The following KCTD20 variants were observed in gnomAD, a reference collection of about 807,000 sequenced individuals.
KCTD20 encodes the protein BTB/POZ domain-containing protein KCTD20.
KCTD20 carries 30 observed loss-of-function variants against 39.6 expected under a neutral mutation model. The ratio of observed to expected loss-of-function variants is 0.76; its 90% CI spans 0.57 to 1.03. The LOEUF (loss-of-function observed/expected upper bound fraction) is 1.03, where lower values mean the gene tolerates loss of function less well. Ranked by LOEUF, KCTD20 falls within the 50% of genes least tolerant of loss-of-function variation. The pLI is 0.00. For synonymous variants in KCTD20, 162 were observed against 180.6 expected (o/e 0.90, Z 0.83); for missense variants, 422 against 522.0 (o/e 0.81, Z 1.87).
In KCTD20 at chr6:36,474,987, C is replaced by T. The variant is rs146111204; in HGVS notation, c.359C>T (p.Thr120Met). 1.3e-3 allele frequency: 2,110 copies of T among 1,614,012 alleles called. 6 individuals are homozygous for T. The highest frequency in any genetic ancestry group is 2.8e-3 in the South Asian group (253 of 91,086). Residue 120 changes from threonine (T) to methionine (M), a missense_variant, in exon 3 of 8, where the codon ACG (threonine) becomes ATG (methionine). Thr to Met is a moderately conservative substitution (Grantham distance 81, BLOSUM62 -1). Transcript: ENST00000373731. ...NSHSQAPEKV[T>M]LLVDGTRFVV... ...CATTCCCAAGCACCAGAGAAAGTGA[C>T]GCTTCTTGTAGATGGCACACGTTTT...
intron 1 of KCTD20, among the ~76,000 whole-genome samples, chr6:36,462,320 G>A (rs58386654): frequency 7.9e-4 from 120 of 152,200 alleles, no homozygotes; most frequent in African/African-American, 2.7e-3. Flanking sequence ...TCGCTTTTGG[G>A]TTTTGGGTCT....
intron 1 of KCTD20, among the ~76,000 whole-genome samples, chr6:36,445,261 CAAAA>C (rs34039126): frequency 3.8e-5 from 3 of 79,764 alleles, no homozygotes; most frequent in African/African-American, 1.4e-4. Context: ...GACTCCGTCT[CAAAA>C]AAAAAAAAAA....
intron 1 of KCTD20, among the ~76,000 whole-genome samples, chr6:36,461,126 A>G (rs1052795722): frequency 6.6e-6 from 1 of 152,206 alleles, no homozygotes; most frequent in African/African-American, 2.4e-5. Context: ...ATATGAAAGA[A>G]TCCAGCAGAT....
Position 36,487,235 on chromosome 6 carries a change from C to A in KCTD20, c.*60C>A. 6.6e-7 allele frequency: 1 copy of A among 1,526,352 alleles called. No individual in the cohort carries two copies. Among genetic ancestry groups the A allele is most frequent in the Non-Finnish European group, 8.9e-7 (1 of 1,125,542 alleles). 94.6% of individuals were successfully genotyped at this position (1,526,352 alleles called of 1,614,324 possible). ...TCTCACCTGGGATGCCTGCAGCCAG[C>A]CCTCCCTCGTGATTTGTCTCACCTT... On this transcript the variant is annotated 3_prime_UTR_variant, in exon 8 of 8. Transcript: ENST00000373731.
At chr6:36,446,187 C>G (rs749621444) in intron 1 of KCTD20, among the ~76,000 whole-genome samples, 1 of 151,750 alleles carries the variant, frequency 6.6e-6, no homozygotes. Context: ...CTACCATGCC[C>G]GGCTAATTTT....
rs767445056 is a variant in KCTD20 at position 36,479,079 on chromosome 6, T to C, written c.435-42T>C. The C allele has an allele frequency of 1.3e-5, 16 of 1,279,116 alleles. 1 individual carries two copies. The highest frequency in any genetic ancestry group is 6.8e-5 in the Admixed American group (4 of 58,462). The allele number at this position is 1,279,116 out of a possible 1,614,324, so 79.2% of individuals were successfully genotyped here. A position where few individuals can be genotyped will look rare whatever the true frequency, so the allele number is the denominator to read the frequency against. On this transcript the variant is annotated intron_variant, in intron 3 of 7. Coordinates refer to ENST00000373731, the MANE Select transcript of KCTD20 (RefSeq NM_173562.5). ...AGGGAGAAATCTCATCTGTGAAGAA[T>C]CATGATGGAGAAGATAACATTATTG...
At chr6:36,470,352 A>G in intron 2 of KCTD20, 95 bp downstream of exon 2, 1 of 1,166,818 alleles carries the variant, frequency 8.6e-7, no homozygotes, top group Non-Finnish European at 1.2e-6. Context: ...ATCTAAATAA[A>G]TTATCCAATT....
intron 1 of KCTD20, among the ~76,000 whole-genome samples, chr6:36,445,011 C>T (rs1175522802): frequency 6.6e-6 from 1 of 152,156 alleles, no homozygotes; most frequent in African/African-American, 2.4e-5. Flanking sequence ...CCTGTAATCC[C>T]AGCAATTTGG....
chr6:36,448,299 C>T (rs766231467), intron 1 of KCTD20, among the ~76,000 whole-genome samples: 1 of 151,940 alleles, frequency 6.6e-6, no homozygotes, highest in Non-Finnish European at 1.5e-5. Context: ...ATATGCTATA[C>T]AAATGTAAAA....
chr6:36,484,383 A>G (rs1420108641), intron 6 of KCTD20, among the ~76,000 whole-genome samples: 1 of 152,208 alleles, frequency 6.6e-6, no homozygotes, highest in Non-Finnish European at 1.5e-5. Flanking sequence ...AATTAAGGAA[A>G]TTAACCTTTT....
intron 1 of KCTD20, among the ~76,000 whole-genome samples, chr6:36,444,998 A>C (rs577273312): frequency 6.6e-6 from 1 of 152,310 alleles, no homozygotes; most frequent in South Asian, 2.1e-4. Context: ...GTGGTGGCTC[A>C]TGCCTGTAAT....
intron 1 of KCTD20, among the ~76,000 whole-genome samples, chr6:36,452,008 G>A (rs189724882): frequency 1.3e-5 from 2 of 151,918 alleles, no homozygotes; most frequent in East Asian, 1.9e-4. Context: ...ACAGGGTTTC[G>A]CCATGTTGAC....
intron 1 of KCTD20, among the ~76,000 whole-genome samples, chr6:36,468,424 A>G (rs1292122700): frequency 1.3e-5 from 2 of 152,208 alleles, no homozygotes; most frequent in Admixed American, 1.3e-4. Flanking sequence ...TTGGTTCAAG[A>G]GATCTTTTCG....
rs765814119 is a variant in KCTD20, at chr6:36,484,754, T to C, written c.897T>C (p.Ile299=). 40 of 1,606,356 alleles carry C rather than the reference T, an allele frequency of 2.5e-5. No individual in the cohort carries two copies. Among genetic ancestry groups the C allele is most frequent in the Non-Finnish European group, 2.0e-5 (23 of 1,175,192 alleles). ...SSKLYRFFKY[I]ENRDVAKTVL... is the part of the protein sequence containing the mutation. ...AGCTCTACAGATTCTTCAAATATAT[T>C]GAGAATAGGGATGTTGCAAAAACAG... The change falls in exon 7 of 8, where the codon ATT becomes ATC. Residue 299 remains isoleucine, a synonymous_variant. Coordinates refer to ENST00000373731, the MANE Select transcript of KCTD20 (RefSeq NM_173562.5).
intron 3 of KCTD20, among the ~76,000 whole-genome samples, chr6:36,477,217 A>T (rs1180744418): frequency 6.6e-6 from 1 of 152,170 alleles, no homozygotes; most frequent in Non-Finnish European, 1.5e-5. Flanking sequence ...ACAAGGGGAG[A>T]AGCTGAGAGA....
rs1240073838 is a variant in KCTD20, at chr6:36,489,632, A to C, written c.*2457A>C. On this transcript the variant is annotated 3_prime_UTR_variant, in exon 8 of 8. Transcript: ENST00000373731. ...GCAAAAGCAGGACCTCACAGAAACA[A>C]GGGCTGGGTTGAGGTCACCCCCTTC... 6.6e-6 allele frequency: 1 copy of C among 152,236 alleles called. No homozygotes were observed. Among genetic ancestry groups the C allele is most frequent in the Non-Finnish European group, 1.5e-5 (1 of 68,060 alleles). 9.4% of individuals were successfully genotyped at this position (152,236 alleles called of 1,614,324 possible).
chr6:36,484,221 C>T (rs951696954), intron 6 of KCTD20, among the ~76,000 whole-genome samples: 5 of 152,158 alleles, frequency 3.3e-5, no homozygotes, highest in African/African-American at 1.2e-4. Flanking sequence ...AGGTGTGAGC[C>T]ACCACACCCA....
chr6:36,450,574 A>G (rs965815600), intron 1 of KCTD20, among the ~76,000 whole-genome samples: 1 of 151,988 alleles, frequency 6.6e-6, no homozygotes, highest in Non-Finnish European at 1.5e-5. Context: ...AGGCCCAGGC[A>G]GCATTCTTTT....
chr6:36,483,485 T>G (rs1002860882), intron 6 of KCTD20, among the ~76,000 whole-genome samples: 1 of 152,104 alleles, frequency 6.6e-6, no homozygotes, highest in Non-Finnish European at 1.5e-5. Context: ...GTGCTGGGAT[T>G]GCAGGCACCA....
Sources: gnomAD v4.1 joint callset for allele counts (sites outside exome capture counted in the v4.1 genomes callset) on GRCh38, gnomAD v4.1.1 for gene constraint, MANE v1.5 for transcripts, NCBI Gene and HGNC (gene_info 2026-07-23, HGNC 2026-07-21) for gene names.